Variants in ODAM observed in about 807,000 individuals in gnomAD.
The protein encoded by ODAM is odontogenic, ameloblast associated.
Under a neutral mutation model 48.5 loss-of-function variants are expected in ODAM, and 55 were observed. The ratio of observed to expected loss-of-function variants is 1.13; its 90% CI spans 0.91 to 1.42. The LOEUF (loss-of-function observed/expected upper bound fraction) is 1.42, where lower values mean the gene tolerates loss of function less well. ODAM is among the 40% of genes most tolerant of loss of function. The probability of loss-of-function intolerance (pLI) is 0.00; values close to 1 mark genes in which losing one functional copy is unlikely to be tolerated. For missense variants in ODAM, 353 were observed against 323.6 expected (o/e 1.09, Z -0.70); for synonymous variants, 127 against 107.8 (o/e 1.18, Z -1.10).
intron 8 of ODAM, among the ~76,000 whole-genome samples, chr4:70,201,896 CA>C (rs1729501041): frequency 6.6e-6 from 1 of 151,872 alleles, no homozygotes; most frequent in African/African-American, 2.4e-5. Flanking sequence ...TCATATTAGC[CA>C]AGATGTGAGA....
intron 9 of ODAM, 60 bp from the exon 10 acceptor site, chr4:70,202,696 C>A: frequency 7.6e-7 from 1 of 1,312,296 alleles, no homozygotes; most frequent in Non-Finnish European, 1.1e-6. Flanking sequence ...TACATTCTTC[C>A]CAATTTTGGC....
In ODAM at chr4:70,200,496, G is replaced by C; in HGVS notation, c.424-1G>C. On this transcript the variant is annotated splice_acceptor_variant, in intron 6 of 11. Coordinates refer to ENST00000683306, the MANE Select transcript of ODAM (RefSeq NM_017855.4). LOFTEE classifies it high-confidence loss of function. ...TTGTATCCTTCTCTTTTTACAAGTA[G>C]ATGTTTCAATACTATCCAGTTTACA... 6.5e-7 allele frequency: 1 copy of C among 1,548,330 alleles called. No individual in the cohort carries two copies. The highest frequency in any genetic ancestry group is 1.1e-5 in the South Asian group (1 of 88,178).
intron 8 of ODAM, 112 bp downstream of exon 8, chr4:70,201,613 G>T (rs534416462): frequency 6.0e-6 from 4 of 662,222 alleles, no homozygotes; most frequent in East Asian, 5.9e-5. Flanking sequence ...ACCTCTAATT[G>T]AACAAAATTG....
At chr4:70,197,184 C>A in intron 3 of ODAM, 90 bp from the exon 4 acceptor site, 1 of 705,482 alleles carries the variant, frequency 1.4e-6, no homozygotes, top group South Asian at 1.6e-5. Flanking sequence ...GAGCAACCAG[C>A]TATGACTTGT....
Position 70,202,844 on chromosome 4 carries a change from C to G in ODAM, c.737C>G (p.Pro246Arg), listed in dbSNP as rs769746445. 1 of 1,612,248 alleles carries G rather than the reference C, an allele frequency of 6.2e-7. No individual in the cohort carries two copies. Among genetic ancestry groups the G allele is most frequent in the East Asian group, 2.2e-5 (1 of 44,726 alleles). Residue 246 changes from proline (P) to arginine (R), a missense_variant, in exon 10 of 12, where the codon CCA becomes CGA. Transcript: ENST00000683306. The stretch of plus-strand genomic sequence containing the variant: ...GGAGTTTTCATGCCCTCAACTTCAC[C>G]AAAACCCAGCACAACCAATGTTTTC... Reference protein sequence around the residue: ...SAGVFMPSTSPKPSTTNVFTS... With the variant: ...SAGVFMPSTSRKPSTTNVFTS...
At chr4:70,203,125 C>G in intron 10 of ODAM, 31 bp from the exon 11 acceptor site, 1 of 1,545,902 alleles carries the variant, frequency 6.5e-7, no homozygotes, top group Non-Finnish European at 8.9e-7. Flanking sequence ...AATTTAATAA[C>G]AGTTTCTTAT....
chr4:70,196,437 C>A, intron 1 of ODAM, 92 bp from the exon 2 acceptor site: 1 of 642,768 alleles, frequency 1.6e-6, no homozygotes, highest in South Asian at 2.9e-5. Flanking sequence ...AGAATTCACC[C>A]AGCTATTCCT....
At position 70,197,956 on chromosome 4, in the gene ODAM, T is replaced by C; in HGVS notation, c.174T>C (p.Ser58=). The C allele has an allele frequency of 3.1e-6, 5 of 1,613,338 alleles. No homozygotes were observed. Among genetic ancestry groups the C allele is most frequent in the Non-Finnish European group, 4.2e-6 (5 of 1,179,536 alleles). Reference sequence around the variant, plus strand: ...TTAATTCATGGATTCCACCTTTCTCTGGAATTTTACAACAGCAGCAGCAGG... The same window carrying C: ...TTAATTCATGGATTCCACCTTTCTCCGGAATTTTACAACAGCAGCAGCAGG... ...GPLNSWIPPF[S]GILQQQQQAQ... Residue 58 remains serine, a synonymous_variant, in exon 5 of 12, where the codon TCT becomes TCC. Transcript: ENST00000683306.
intron 7 of ODAM, among the ~76,000 whole-genome samples, chr4:70,200,840 A>G (rs1008739826): frequency 6.6e-6 from 1 of 151,980 alleles, no homozygotes; most frequent in Non-Finnish European, 1.5e-5. Flanking sequence ...GGACTTCAAT[A>G]GAATCAAGGC....
chr4:70,200,615 T>C lies in ODAM; in HGVS notation c.528+14T>C. 2 of 1,510,800 alleles carry C rather than the reference T, an allele frequency of 1.3e-6. No homozygotes were observed. The highest frequency in any genetic ancestry group is 1.8e-6 in the Non-Finnish European group (2 of 1,089,956). The allele number at this position is 1,510,800 out of a possible 1,614,324, so 93.6% of individuals were successfully genotyped here. On this transcript the variant is annotated intron_variant, in intron 7 of 11. Coordinates refer to ENST00000683306, the MANE Select transcript of ODAM (RefSeq NM_017855.4). ...TATGAGGAGCAGGTACTGCAAATGT[T>C]TTATTTTAATCCTACTAGTTCCACT...
chr4:70,200,490 C>G lies in ODAM; in HGVS notation c.424-7C>G. 3 of 1,504,872 alleles carry G rather than the reference C, an allele frequency of 2.0e-6. No homozygotes were observed. The highest frequency in any genetic ancestry group is 3.4e-4 in the Middle Eastern group (2 of 5,812). The allele number at this position is 1,504,872 out of a possible 1,614,324, so 93.2% of individuals were successfully genotyped here. A position where few individuals can be genotyped will look rare whatever the true frequency, so the allele number is the denominator to read the frequency against. ...AATCTCTTGTATCCTTCTCTTTTTA[C>G]AAGTAGATGTTTCAATACTATCCAG... On this transcript the variant is annotated splice_polypyrimidine_tract_variant and splice_region_variant and intron_variant, in intron 6 of 11. Coordinates refer to ENST00000683306, the MANE Select transcript of ODAM (RefSeq NM_017855.4).
intron 5 of ODAM, 47 bp downstream of exon 5, chr4:70,198,204 G>T (rs1200489410): frequency 6.9e-7 from 1 of 1,455,334 alleles, no homozygotes; most frequent in African/African-American, 1.4e-5. Flanking sequence ...AGAACTGCAT[G>T]TTTAATCTGA....
At chr4:70,200,870 G>T (rs1017787645) in intron 7 of ODAM, among the ~76,000 whole-genome samples, 6 of 151,976 alleles carry the variant, frequency 3.9e-5, no homozygotes, top group African/African-American at 1.4e-4. Context: ...GAATAACCTC[G>T]AAAAGTGAAG....
chr4:70,196,587 C>A lies in ODAM; in HGVS notation c.44C>A (p.Ser15Ter). 6.3e-7 allele frequency: 1 copy of A among 1,598,038 alleles called. No homozygotes were observed. Among genetic ancestry groups the A allele is most frequent in the South Asian group, 1.1e-5 (1 of 89,214 alleles). Residue 15 changes from serine to a stop codon, truncating the protein, a stop_gained, in exon 2 of 12, where the codon TCA (serine) becomes TAA (stop). Transcript: ENST00000683306. LOFTEE classifies it high-confidence loss of function. ...CTTGGATTCCTGGGAGCCACATTGT[C>A]AGCCCCAGTAAGTGATTTTATGGCA... ...ILLGFLGATL[S>*]APLIPQRLMS...
intron 6 of ODAM, among the ~76,000 whole-genome samples, chr4:70,199,016 A>G (rs1487606652): frequency 6.6e-6 from 1 of 152,018 alleles, no homozygotes; most frequent in African/African-American, 2.4e-5. Flanking sequence ...TAAGCTGATA[A>G]TATATGATAT....
chr4:70,195,751 A>G lies in ODAM; in HGVS notation c.-58A>G, dbSNP rs1729341806. 1 of 983,860 alleles carries G rather than the reference A, an allele frequency of 1.0e-6. No homozygotes were observed. The highest frequency in any genetic ancestry group is 1.7e-5 in the African/African-American group (1 of 57,164). The allele number at this position is 983,860 out of a possible 1,614,324, so 60.9% of individuals were successfully genotyped here. On this transcript the variant is annotated 5_prime_UTR_variant, in exon 1 of 12. Transcript: ENST00000683306. Reference sequence around the variant, plus strand: ...GAGCTGAGAGAGGAAAAGAACACAGATCTCGCATGGTTCAGATTTTTCTTT... The same window carrying G: ...GAGCTGAGAGAGGAAAAGAACACAGGTCTCGCATGGTTCAGATTTTTCTTT...
rs551999215 is a variant in ODAM, at chr4:70,198,249, GT to G, written c.375+97del. 27 of 1,023,662 alleles carry G rather than the reference GT, an allele frequency of 2.6e-5. No individual in the cohort carries two copies. The East Asian group carries it at 6.6e-4, about 25-fold the overall frequency. The allele number at this position is 1,023,662 out of a possible 1,614,324, so 63.4% of individuals were successfully genotyped here. On this transcript the variant is annotated intron_variant, in intron 5 of 11. Coordinates refer to ENST00000683306, the MANE Select transcript of ODAM (RefSeq NM_017855.4). ...TGAATCAGCTTTGAAATAGGCAGGGGTTTTTGAACAATATTTTTTCTCATTA... is the reference window on the plus strand; with the variant it reads ...TGAATCAGCTTTGAAATAGGCAGGGGTTTTGAACAATATTTTTTCTCATTA...
chr4:70,200,671 T>G, intron 7 of ODAM, 70 bp downstream of exon 7: 1 of 1,028,384 alleles, frequency 9.7e-7, no homozygotes, highest in East Asian at 2.6e-5. Flanking sequence ...TATATTACCA[T>G]AGAAAAAAAG....
At chr4:70,197,428 G>T (rs1729394760) in intron 4 of ODAM, 107 bp downstream of exon 4, 2 of 750,306 alleles carry the variant, frequency 2.7e-6, no homozygotes, top group Non-Finnish European at 4.7e-6. Flanking sequence ...GGAAATCTCA[G>T]TTTTTAACAT....
Sources: gnomAD v4.1 joint callset for allele counts (sites outside exome capture counted in the v4.1 genomes callset) on GRCh38, gnomAD v4.1.1 for gene constraint, MANE v1.5 for transcripts, NCBI Gene and HGNC (gene_info 2026-07-23, HGNC 2026-07-21) for gene names.